Variants in GASK1A observed in about 807,000 individuals in gnomAD.
GASK1A encodes golgi associated kinase 1A.
GASK1A carries 40 observed loss-of-function variants against 41.2 expected under a neutral mutation model. That is an observed-to-expected ratio of 0.97 (90% CI 0.75 to 1.27). The LOEUF is 1.27. Ranked by LOEUF, GASK1A falls within the 50% of genes most tolerant of loss-of-function variation. The pLI, the probability that GASK1A is intolerant of heterozygous loss-of-function variation, is 0.00. For missense variants in GASK1A, 678 were observed against 745.1 expected (o/e 0.91, Z 1.05); for synonymous variants, 316 against 307.1 (o/e 1.03, Z -0.30).
chr3:43,021,509 G>A (rs1228473319), intron 1 of GASK1A, among the ~76,000 whole-genome samples: 1 of 152,120 alleles, frequency 6.6e-6, no homozygotes, highest in Non-Finnish European at 1.5e-5. Context: ...CCAAAACCCA[G>A]GAAGAGGAGT....
chr3:43,011,119 C>G (rs55848724), intron 1 of GASK1A, among the ~76,000 whole-genome samples: 59,786 of 152,082 alleles, frequency 0.39, 12,657 homozygotes, highest in Non-Finnish European at 0.48. Context: ...CATGGTGACT[C>G]ACGCCTGTAA....
intron 1 of GASK1A, among the ~76,000 whole-genome samples, chr3:43,019,049 G>C (rs768260355): frequency 6.6e-6 from 1 of 152,326 alleles, no homozygotes; most frequent in Middle Eastern, 3.4e-3. Flanking sequence ...ACAGTAGTAC[G>C]TATCTCATAA....
chr3:43,023,647 A>G (rs936131643), intron 1 of GASK1A, among the ~76,000 whole-genome samples: 9 of 152,326 alleles, frequency 5.9e-5, no homozygotes, highest in East Asian at 1.9e-4. Flanking sequence ...GTTTTCTAAA[A>G]TAGCAATATA....
chr3:42,989,488 G>A (rs2089329649), intron 1 of GASK1A, among the ~76,000 whole-genome samples: 1 of 152,072 alleles, frequency 6.6e-6, no homozygotes, highest in Admixed American at 6.5e-5. Context: ...TAATTATAGG[G>A]GAATGTTTTC....
At chr3:43,014,963 G>A (rs555943475) in intron 1 of GASK1A, among the ~76,000 whole-genome samples, 5 of 151,804 alleles carry the variant, frequency 3.3e-5, no homozygotes, top group African/African-American at 1.2e-4. Context: ...GTCACAGGAA[G>A]TGGGAATTTG....
intron 1 of GASK1A, among the ~76,000 whole-genome samples, chr3:42,986,600 AG>A (rs111822861): frequency 0.031 from 4,708 of 152,106 alleles, 233 homozygotes; most frequent in African/African-American, 0.1. Context: ...CTGGGACCAC[AG>A]GGGAACCTCC....
At chr3:43,003,221 G>T (rs539569294) in intron 1 of GASK1A, among the ~76,000 whole-genome samples, 11 of 152,228 alleles carry the variant, frequency 7.2e-5, no homozygotes, top group African/African-American at 2.6e-4. Context: ...GAGGCCAGAC[G>T]CAGTGGCTCA....
intron 2 of GASK1A, among the ~76,000 whole-genome samples, chr3:43,044,778 A>T (rs1160464822): frequency 3.9e-5 from 6 of 152,212 alleles, no homozygotes; most frequent in Non-Finnish European, 8.8e-5. Context: ...TGGGACATCT[A>T]AATTTACATG....
At chr3:43,044,513 C>T (rs1457695123) in intron 2 of GASK1A, among the ~76,000 whole-genome samples, 2 of 152,210 alleles carry the variant, frequency 1.3e-5, no homozygotes, top group East Asian at 3.9e-4. Context: ...CAACATGGCC[C>T]CATGGGAGTA....
chr3:43,054,968 G>C lies in GASK1A; in HGVS notation c.1414-464G>C, dbSNP rs894692384. Among the ~76,000 whole-genome samples, 16 of 152,164 alleles carry C rather than the reference G, an allele frequency of 1.1e-4. No individual in the cohort carries two copies. The East Asian group carries it at 2.9e-3, about 28-fold the overall frequency. On this transcript the variant is annotated intron_variant, in intron 3 of 4. Transcript: ENST00000430121. Reference sequence around the variant, plus strand: ...ACATGTGCGATGCCCCTCACAGCCGGTGGCCCCGAGGAGCAGGCTACCTTG... The same window carrying C: ...ACATGTGCGATGCCCCTCACAGCCGCTGGCCCCGAGGAGCAGGCTACCTTG...
chr3:43,052,410 T>C (rs895821314), intron 2 of GASK1A, among the ~76,000 whole-genome samples: 4 of 152,180 alleles, frequency 2.6e-5, no homozygotes, highest in Admixed American at 6.5e-5. Context: ...AGCAAGAAAC[T>C]AACTTTTCTT....
At position 43,033,128 on chromosome 3, in the gene GASK1A, G is replaced by T. The variant is rs57546482; in HGVS notation, c.865G>T (p.Val289Leu). The change falls in exon 2 of 5, where the codon GTG becomes TTG. Residue 289 changes from valine (V) to leucine (L), a missense_variant. Transcript: ENST00000430121. The stretch of plus-strand genomic sequence containing the variant: ...AGCCAGGGTCCCCGCCCATGGGCAG[G>T]TGCTACAGGTTGGCTTCTCCACTGA... ...DKARVPAHGQ[V>L]LQVGFSTEAA... 4.7e-4 allele frequency: 725 copies of T among 1,551,030 alleles called. 9 individuals carry two copies. In the East Asian group the frequency reaches 0.014, roughly 31 times the overall value.
At chr3:42,997,445 G>A (rs1006101910) in intron 1 of GASK1A, among the ~76,000 whole-genome samples, 1 of 151,422 alleles carries the variant, frequency 6.6e-6, no homozygotes, top group Admixed American at 6.6e-5. Flanking sequence ...AGAGGGGGGG[G>A]GGATCTGGGA....
At chr3:43,008,302 T>C (rs1292596774) in intron 1 of GASK1A, among the ~76,000 whole-genome samples, 1 of 152,164 alleles carries the variant, frequency 6.6e-6, no homozygotes, top group Admixed American at 6.5e-5. Flanking sequence ...CTGGCTACAG[T>C]TGGTGTTCTG....
At chr3:43,031,418 C>T (rs644534) in intron 1 of GASK1A, among the ~76,000 whole-genome samples, 91,210 of 152,044 alleles carry the variant, frequency 0.6, 27,630 homozygotes, top group East Asian at 0.77. Flanking sequence ...TTTCTGATTC[C>T]GGAATTCTGG....
chr3:43,056,423 G>C lies in GASK1A; in HGVS notation c.*37G>C. The C allele has an allele frequency of 6.9e-7, 1 of 1,459,102 alleles. No individual in the cohort carries two copies. The highest frequency in any genetic ancestry group is 9.1e-7 in the Non-Finnish European group (1 of 1,095,028). 90.4% of individuals were successfully genotyped at this position (1,459,102 alleles called of 1,614,324 possible). On this transcript the variant is annotated 3_prime_UTR_variant, in exon 5 of 5. Coordinates refer to ENST00000430121, the MANE Select transcript of GASK1A (RefSeq NM_001129908.3). ...CCCTGAGTCAATGAGCATCCATCCT[G>C]ATGGCCACATTTTCTTGGGCTCACT...
chr3:43,022,749 C>T (rs2089528566), intron 1 of GASK1A, among the ~76,000 whole-genome samples: 1 of 152,182 alleles, frequency 6.6e-6, no homozygotes, highest in South Asian at 2.1e-4. Flanking sequence ...AACTTCCTCT[C>T]TTGGCATCTC....
chr3:42,980,734 T>G (rs1248910999), intron 1 of GASK1A, among the ~76,000 whole-genome samples: 1 of 151,954 alleles, frequency 6.6e-6, no homozygotes, highest in African/African-American at 2.4e-5. Context: ...GCTAGGGGTG[T>G]GTGTATGTTT....
At chr3:43,054,919 AGT>A (rs1442279266) in intron 3 of GASK1A, among the ~76,000 whole-genome samples, 1 of 152,144 alleles carries the variant, frequency 6.6e-6, no homozygotes, top group Non-Finnish European at 1.5e-5. Flanking sequence ...GGGGTGACTG[AGT>A]GTGTGTACAC....
Sources: allele counts gnomAD v4.1 joint callset (sites outside exome capture counted in the v4.1 genomes callset), GRCh38; gene constraint gnomAD v4.1.1; transcripts MANE v1.5; gene names NCBI Gene and HGNC (gene_info 2026-07-23, HGNC 2026-07-21).